The following DNALI1 variants were observed in gnomAD, a reference collection of about 807,000 sequenced individuals.
The protein encoded by DNALI1 is dynein axonemal light intermediate chain 1.
DNALI1 carries 31 observed loss-of-function variants against 33.9 expected under a neutral mutation model. The observed-to-expected ratio is 0.91, with a 90% CI of 0.69 to 1.23. The LOEUF (loss-of-function observed/expected upper bound fraction) is 1.23. Among genes scored for constraint, DNALI1 ranks in the 50% most tolerant of loss-of-function variants. DNALI1 has a pLI of 0.00. For synonymous variants in DNALI1, 117 were observed against 129.2 expected (o/e 0.91, Z 0.64); for missense variants, 305 against 323.8 (o/e 0.94, Z 0.44).
Position 37,566,766 on chromosome 1 carries a change from T to C in DNALI1, c.*1705T>C. On this transcript the variant is annotated 3_prime_UTR_variant, in exon 6 of 6. Transcript: ENST00000652629. ...ACTGTCAAACCTCAGAACAAATGCA[T>C]TAGGGCCTTAGAAATGTCAATGGGG... 1 of 1,216,060 alleles carries C rather than the reference T, an allele frequency of 8.2e-7. No individual in the cohort carries two copies. The highest frequency in any genetic ancestry group is 1.2e-6 in the Non-Finnish European group (1 of 838,876). The allele number at this position is 1,216,060 out of a possible 1,614,324, so 75.3% of individuals were successfully genotyped here.
In DNALI1 at chr1:37,566,711, T is replaced by G; in HGVS notation, c.*1650T>G. 1 of 729,496 alleles carries G rather than the reference T, an allele frequency of 1.4e-6. No homozygotes were observed. The highest frequency in any genetic ancestry group is 2.3e-6 in the Non-Finnish European group (1 of 438,058). The allele number at this position is 729,496 out of a possible 1,614,324, so 45.2% of individuals were successfully genotyped here. Reference sequence around the variant, plus strand: ...TGAAATCCTTAAGGTTGAGGAGGCTTTATTTCCCTAGCACTGGTGAAGGGC... The same window carrying G: ...TGAAATCCTTAAGGTTGAGGAGGCTGTATTTCCCTAGCACTGGTGAAGGGC... On this transcript the variant is annotated 3_prime_UTR_variant, in exon 6 of 6. Transcript: ENST00000652629.
chr1:37,557,357 G>C (rs1285865306), intron 1 of DNALI1, among the ~76,000 whole-genome samples: 3 of 152,154 alleles, frequency 2.0e-5, no homozygotes, highest in Non-Finnish European at 4.4e-5. Context: ...TGACTAGGTA[G>C]TGATTTCCCC....
rs1000212313 is a variant in DNALI1, at chr1:37,562,552, G to A, written c.741+307G>A. 6.6e-6 allele frequency among the ~76,000 whole-genome samples: 1 copy of A among 152,200 alleles called. No individual in the cohort carries two copies. On this transcript the variant is annotated intron_variant, in intron 5 of 5. Coordinates refer to ENST00000652629, the MANE Select transcript of DNALI1 (RefSeq NM_003462.5). This position sits in a 1 kb window ranked among gnomAD's most constrained non-coding sequence, Gnocchi z 5.8. Reference sequence around the variant, plus strand: ...AAAGTGGAACTCCATTCCCCTGGAAGCTGGTATGTTGGAGCCTTTCTGGAG... The same window carrying A: ...AAAGTGGAACTCCATTCCCCTGGAAACTGGTATGTTGGAGCCTTTCTGGAG...
chr1:37,561,489 T>C lies in DNALI1; in HGVS notation c.398-68T>C. ...TGTCCTTCCCAAGAGGAAGGGTGTT[T>C]GCAGTAGACATACTGCAAGCCCCCT... is the stretch of plus-strand genomic sequence containing the variant. On this transcript the variant is annotated intron_variant, in intron 3 of 5. Transcript: ENST00000652629. This position sits in a 1 kb window ranked among gnomAD's most constrained non-coding sequence, Gnocchi z 4.6. 1 of 1,554,976 alleles carries C rather than the reference T, an allele frequency of 6.4e-7. No individual in the cohort carries two copies. Among genetic ancestry groups the C allele is most frequent in the Non-Finnish European group, 8.8e-7 (1 of 1,142,638 alleles).
intron 5 of DNALI1, among the ~76,000 whole-genome samples, chr1:37,564,479 T>C (rs553494967): frequency 2.6e-5 from 4 of 151,952 alleles, no homozygotes; most frequent in East Asian, 1.9e-4. Flanking sequence ...GCCTCCCAGG[T>C]TCATGCTATT....
intron 3 of DNALI1, among the ~76,000 whole-genome samples, chr1:37,560,182 C>A (rs952179357): frequency 6.6e-6 from 1 of 152,178 alleles, no homozygotes; most frequent in African/African-American, 2.4e-5. Context: ...AGACAGAGGC[C>A]TTTCTCTTAT....
Position 37,557,662 on chromosome 1 carries a change from A to G in DNALI1, c.141A>G (p.Pro47=). The G allele has an allele frequency of 6.2e-7, 1 of 1,614,048 alleles. No homozygotes were observed. The highest frequency in any genetic ancestry group is 8.5e-7 in the Non-Finnish European group (1 of 1,179,986). ...GACCTTCAGGTTCAGCCCCACAGCC[A>G]CCCAAGACCAAGCTCCCCTCAACTC... ...QPGPSGSAPQ[P]PKTKLPSTPC... The change falls in exon 2 of 6, where the codon CCA becomes CCG. Residue 47 remains proline, a synonymous_variant. Coordinates refer to ENST00000652629, the MANE Select transcript of DNALI1 (RefSeq NM_003462.5).
intron 5 of DNALI1, among the ~76,000 whole-genome samples, chr1:37,564,146 T>A (rs1250420776): frequency 6.6e-6 from 1 of 151,674 alleles, no homozygotes. Flanking sequence ...GGCAGGAGAA[T>A]CACTTGAACC....
intron 5 of DNALI1, among the ~76,000 whole-genome samples, chr1:37,563,513 G>A (rs184396133): frequency 1.3e-5 from 2 of 152,150 alleles, no homozygotes; most frequent in African/African-American, 2.4e-5. Flanking sequence ...CTTTTGAGAC[G>A]GAGTTTTGCT....
chr1:37,557,084 G>A lies in DNALI1; in HGVS notation c.81+9G>A. ...AGAAACGGAGCCCCAAGGTAAAGAC[G>A]GGGGCTCGGGAGACAAAGGAGCCTC... On this transcript the variant is annotated intron_variant, in intron 1 of 5. Coordinates refer to ENST00000652629, the MANE Select transcript of DNALI1 (RefSeq NM_003462.5). 1.2e-6 allele frequency: 2 copies of A among 1,614,130 alleles called. No homozygotes were observed. The highest frequency in any genetic ancestry group is 1.7e-6 in the Non-Finnish European group (2 of 1,179,988).
chr1:37,562,889 G>A lies in DNALI1; in HGVS notation c.741+644G>A, dbSNP rs1200206843. Reference sequence around the variant, plus strand: ...CAACTCCCAGCTGTTTGGTCCAAAGGTCTCAAAAGGTAGGCCCTAGATCAA... The same window carrying A: ...CAACTCCCAGCTGTTTGGTCCAAAGATCTCAAAAGGTAGGCCCTAGATCAA... On this transcript the variant is annotated intron_variant, in intron 5 of 5. Transcript: ENST00000652629. This position sits in a 1 kb window ranked among gnomAD's most constrained non-coding sequence, Gnocchi z 5.8. 3.3e-5 allele frequency among the ~76,000 whole-genome samples: 5 copies of A among 152,190 alleles called. No individual in the cohort carries two copies. The highest frequency in any genetic ancestry group is 7.3e-5 in the Non-Finnish European group (5 of 68,038).
At position 37,561,299 on chromosome 1, in the gene DNALI1, TTGTC is replaced by T. The variant is rs537067540; in HGVS notation, c.398-256_398-253del. 957 of 449,752 alleles carry T rather than the reference TTGTC, an allele frequency of 2.1e-3. 6 individuals carry two copies. Among genetic ancestry groups the T allele is most frequent in the African/African-American group, 0.017 (868 of 51,820 alleles). 27.9% of individuals were successfully genotyped at this position (449,752 alleles called of 1,614,324 possible). A position where few individuals can be genotyped will look rare whatever the true frequency, so the allele number is the denominator to read the frequency against. On this transcript the variant is annotated intron_variant, in intron 3 of 5. Coordinates refer to ENST00000652629, the MANE Select transcript of DNALI1 (RefSeq NM_003462.5). This position sits in a 1 kb window ranked among gnomAD's most constrained non-coding sequence, Gnocchi z 4.6. ...AGTGCTGTAAACAAACCAGAGCCTC[TTGTC>T]TCCTTTGCTCTGGCCAACCCAGTCT...
chr1:37,564,928 G>T (rs1643482222), intron 5 of DNALI1, 98 bp from the exon 6 acceptor site: 2 of 1,243,956 alleles, frequency 1.6e-6, no homozygotes, highest in African/African-American at 2.9e-5. Context: ...TGGAGTGACA[G>T]CATGTGGATT....
In DNALI1 at chr1:37,561,397, T is replaced by C; in HGVS notation, c.398-160T>C. On this transcript the variant is annotated intron_variant, in intron 3 of 5. Coordinates refer to ENST00000652629, the MANE Select transcript of DNALI1 (RefSeq NM_003462.5). This position sits in a 1 kb window ranked among gnomAD's most constrained non-coding sequence, Gnocchi z 4.6. ...TGCATGGCAAGGCTCTTTGGGCCAC[T>C]GAAGGCACCCTCCCTGAGGCCCTTC... The C allele has an allele frequency of 1.1e-6, 1 of 883,422 alleles. No homozygotes were observed. The highest frequency in any genetic ancestry group is 1.7e-6 in the Non-Finnish European group (1 of 591,628). The allele number at this position is 883,422 out of a possible 1,614,324, so 54.7% of individuals were successfully genotyped here.
At chr1:37,557,874 T>G in intron 2 of DNALI1, 126 bp downstream of exon 2, 2 of 1,343,428 alleles carry the variant, frequency 1.5e-6, no homozygotes, top group Non-Finnish European at 2.1e-6. Context: ...ACAGAGCTCC[T>G]AGAACTTACA....
chr1:37,556,948 C>G lies in DNALI1; in HGVS notation c.-47C>G, dbSNP rs745451894. On this transcript the variant is annotated 5_prime_UTR_variant, in exon 1 of 6. Coordinates refer to ENST00000652629, the MANE Select transcript of DNALI1 (RefSeq NM_003462.5). ...GTTTCCATGGTGACGGCAAACAAGG[C>G]CCACACTGGACAGGGCAGCTGCTGG... 6.2e-7 allele frequency: 1 copy of G among 1,614,212 alleles called. No homozygotes were observed. The highest frequency in any genetic ancestry group is 1.7e-5 in the Admixed American group (1 of 60,028).
rs544217336 is a variant in DNALI1 at position 37,565,138 on chromosome 1, T to A, written c.*77T>A. Reference sequence around the variant, plus strand: ...GTTCCTCTGGCAGCCAATAAAATCATCATAAGCCCTTTGTAATAAAAAGCT... The same window carrying A: ...GTTCCTCTGGCAGCCAATAAAATCAACATAAGCCCTTTGTAATAAAAAGCT... On this transcript the variant is annotated 3_prime_UTR_variant, in exon 6 of 6. Transcript: ENST00000652629. 6.5e-7 allele frequency: 1 copy of A among 1,537,648 alleles called. No homozygotes were observed. The highest frequency in any genetic ancestry group is 9.0e-7 in the Non-Finnish European group (1 of 1,112,594).
chr1:37,561,528 C>G lies in DNALI1; in HGVS notation c.398-29C>G. 1 of 1,607,820 alleles carries G rather than the reference C, an allele frequency of 6.2e-7. No individual in the cohort carries two copies. Among genetic ancestry groups the G allele is most frequent in the Non-Finnish European group, 8.5e-7 (1 of 1,175,638 alleles). ...TGCAAGCCCCCTCCCCACGCCCTGT[C>G]TGATCTCATGGTGTGTGTGCATTGG... On this transcript the variant is annotated intron_variant, in intron 3 of 5. Transcript: ENST00000652629. This position sits in a 1 kb window ranked among gnomAD's most constrained non-coding sequence, Gnocchi z 4.6.
Position 37,562,105 on chromosome 1 carries a change from A to G in DNALI1, c.601A>G (p.Arg201Gly), listed in dbSNP as rs1643446547. 1.2e-6 allele frequency: 2 copies of G among 1,614,108 alleles called. No homozygotes were observed. Among genetic ancestry groups the G allele is most frequent in the South Asian group, 2.2e-5 (2 of 91,076 alleles). Residue 201 changes from arginine to glycine, a missense_variant, in exon 5 of 6, where the codon AGA becomes GGA. Physicochemically the swap from Arg to Gly is moderately radical, Grantham distance 125 (BLOSUM62 -2). Coordinates refer to ENST00000652629, the MANE Select transcript of DNALI1 (RefSeq NM_003462.5). The surrounding 1 kb of genome is among the most constrained non-coding windows in gnomAD (Gnocchi z 5.8). ...RKIAELETEK[R>G]DLERQVNEQK... Reference sequence around the variant, plus strand: ...GATCGCAGAATTGGAGACGGAAAAGAGAGACCTGGAGAGGCAAGTGAACGA... The same window carrying G: ...GATCGCAGAATTGGAGACGGAAAAGGGAGACCTGGAGAGGCAAGTGAACGA...
Sources: allele counts gnomAD v4.1 joint callset (sites outside exome capture counted in the v4.1 genomes callset), GRCh38; gene constraint gnomAD v4.1.1; non-coding constraint Gnocchi (gnomAD v3.1); transcripts MANE v1.5; gene names NCBI Gene and HGNC (gene_info 2026-07-23, HGNC 2026-07-21).